The following LRRC40 variants were observed in gnomAD, a reference collection of about 807,000 sequenced individuals.
LRRC40 encodes the protein leucine rich repeat containing 40, also known as leucine-rich repeat-containing protein 40.
A neutral mutation model predicts 72.8 loss-of-function variants in LRRC40; 76 were observed. The observed-to-expected ratio is 1.04, with a 90% CI of 0.87 to 1.26. The LOEUF (loss-of-function observed/expected upper bound fraction) is 1.26. Among genes scored for constraint, LRRC40 ranks in the 50% most tolerant of loss-of-function variants. LRRC40 has a pLI of 0.00. For synonymous variants in LRRC40, 243 were observed against 254.2 expected, an observed-to-expected ratio of 0.96 and a Z score of 0.42; for missense variants, 684 against 698.9, an observed-to-expected ratio of 0.98 and a Z score of 0.24.
chr1:70,148,778 T>C (rs1667385724), intron 13 of LRRC40, 106 bp from the exon 14 acceptor site: 3 of 630,328 alleles, frequency 4.8e-6, no homozygotes, highest in Non-Finnish European at 7.5e-6. Context: ...CTTTAGTGTA[T>C]GTTATTCTGT....
intron 1 of LRRC40, among the ~76,000 whole-genome samples, chr1:70,191,219 A>G (rs1301509210): frequency 3.3e-5 from 5 of 152,170 alleles, no homozygotes; most frequent in Non-Finnish European, 7.4e-5. Flanking sequence ...AACACTAAGA[A>G]AGTATGTAGA....
intron 9 of LRRC40, among the ~76,000 whole-genome samples, chr1:70,161,935 C>G (rs962835075): frequency 6.6e-6 from 1 of 151,952 alleles, no homozygotes; most frequent in African/African-American, 2.4e-5. Context: ...ATGGTAAGTA[C>G]AGTAATATAT....
At chr1:70,160,500 T>C (rs1421662360) in intron 9 of LRRC40, among the ~76,000 whole-genome samples, 1 of 152,150 alleles carries the variant, frequency 6.6e-6, no homozygotes, top group Admixed American at 6.5e-5. Flanking sequence ...AAGTTAATGC[T>C]CTAGTAGTAG....
intron 10 of LRRC40, among the ~76,000 whole-genome samples, chr1:70,156,310 T>C (rs574520047): frequency 1.7e-4 from 26 of 152,218 alleles, no homozygotes; most frequent in African/African-American, 6.3e-4. Flanking sequence ...AATTTTAATT[T>C]AGTAACCTGG....
At chr1:70,155,910 T>C (rs781195734) in intron 10 of LRRC40, 114 bp from the exon 11 acceptor site, 2 of 456,328 alleles carry the variant, frequency 4.4e-6, no homozygotes, top group East Asian at 3.3e-5. Flanking sequence ...TTCAAAGCCA[T>C]TGATTATAAA....
Position 70,158,548 on chromosome 1 carries a change from T to A in LRRC40, c.1220+782A>T, listed in dbSNP as rs758248369. ...TTTACAACTACCTTCAATCTCTGCA[T>A]AGGTATCTTCTTTTCCCAATTTCAT... On this transcript the variant is annotated intron_variant, in intron 10 of 14. Transcript: ENST00000370952. 4.3e-4 allele frequency among the ~76,000 whole-genome samples: 65 copies of A among 152,216 alleles called. 1 individual carries two copies. The highest frequency in any genetic ancestry group is 3.5e-4 in the Non-Finnish European group (24 of 68,030).
intron 12 of LRRC40, 150 bp from the exon 13 acceptor site, chr1:70,151,355 C>G (rs1372578503): frequency 1.7e-6 from 1 of 596,148 alleles, no homozygotes; most frequent in Non-Finnish European, 3.0e-6. Flanking sequence ...TCTGAGAATT[C>G]TGAATCAGTC....
In LRRC40 at chr1:70,201,453, G is replaced by T. The variant is rs574072803; in HGVS notation, c.151+3937C>A. On this transcript the variant is annotated intron_variant, in intron 1 of 14. Transcript: ENST00000370952. ...AAGAATCGCAACCAAAAAGCCACCA[G>T]CCTATTTACATATGTCACTTACTCA... Among the ~76,000 whole-genome samples the T allele has an allele frequency of 3.9e-5, 6 of 152,192 alleles. No homozygotes were observed. The South Asian group carries it at 1.2e-3, about 32-fold the overall frequency.
chr1:70,162,978 T>C (rs1667796627), intron 9 of LRRC40, among the ~76,000 whole-genome samples: 1 of 152,186 alleles, frequency 6.6e-6, no homozygotes. Flanking sequence ...ACACAAACAT[T>C]ATCTTACAGT....
chr1:70,151,744 TTAGCTCTTAC>T, intron 12 of LRRC40: 1 of 152,198 alleles, frequency 6.6e-6, no homozygotes, highest in Non-Finnish European at 1.5e-5. Context: ...TTTTTTTTTT[TTAGCTCTTAC>T]AATGAAACAT....
At chr1:70,197,971 A>T (rs1668653924) in intron 1 of LRRC40, among the ~76,000 whole-genome samples, 1 of 152,110 alleles carries the variant, frequency 6.6e-6, no homozygotes, top group Non-Finnish European at 1.5e-5. Context: ...CTTGTTGCCC[A>T]GACTGGTCTT....
chr1:70,180,774 G>C (rs1668225996), intron 5 of LRRC40, among the ~76,000 whole-genome samples: 1 of 152,158 alleles, frequency 6.6e-6, no homozygotes, highest in South Asian at 2.1e-4. Context: ...TCACCAGTAA[G>C]AGGGGACTAA....
rs769994464 is a variant in LRRC40, at chr1:70,175,851, C to G, written c.936G>C (p.Arg312=). 1 of 1,584,280 alleles carries G rather than the reference C, an allele frequency of 6.3e-7. No homozygotes were observed. Among genetic ancestry groups the G allele is most frequent in the South Asian group, 1.2e-5 (1 of 85,392 alleles). ...KSVPDEIILL[R]SLERLDLSNN... ...TGCTTAGGTCAAGCCTTTCCAAGGA[C>G]CGTAGTAGTATAATTTCATCTGGAA... Residue 312 remains arginine, a synonymous_variant, in exon 7 of 15, where the codon CGG becomes CGC. Coordinates refer to ENST00000370952, the MANE Select transcript of LRRC40 (RefSeq NM_017768.5).
chr1:70,180,701 C>T (rs1313967529), intron 5 of LRRC40, among the ~76,000 whole-genome samples: 1 of 152,054 alleles, frequency 6.6e-6, no homozygotes, highest in Non-Finnish European at 1.5e-5. Flanking sequence ...TATTTCTCGA[C>T]ATTATTACTT....
Position 70,184,794 on chromosome 1 carries a change from TA to T in LRRC40, c.527del (p.Leu176Ter). On this transcript the variant is annotated frameshift_variant, in exon 4 of 15. Transcript: ENST00000370952. LOFTEE classifies it high-confidence loss of function. ...ISEGFEQLSN[L>X]EDLDLSNNHL... ...GAAAATCAGAACTTACTAAATCTTC[TA>T]AATTGGAAAGTTGTTCAAATCCCTC... is the stretch of plus-strand genomic sequence containing the variant. The T allele has an allele frequency of 6.2e-7, 1 of 1,601,686 alleles. No homozygotes were observed. The highest frequency in any genetic ancestry group is 8.5e-7 in the Non-Finnish European group (1 of 1,176,622).
chr1:70,192,362 G>C (rs1484236865), intron 1 of LRRC40, among the ~76,000 whole-genome samples: 2 of 151,930 alleles, frequency 1.3e-5, no homozygotes, highest in African/African-American at 4.8e-5. Flanking sequence ...AAACACTGTT[G>C]GTAGGAGTGT....
chr1:70,184,746 A>T (rs780886617), intron 4 of LRRC40, 39 bp downstream of exon 4: 2 of 1,552,286 alleles, frequency 1.3e-6, no homozygotes, highest in Non-Finnish European at 1.7e-6. Flanking sequence ...AAATCCCACC[A>T]GCCCCAAATT....
rs372566905 is a variant in LRRC40 at position 70,148,553 on chromosome 1, G to A, written c.1637C>T (p.Thr546Met). 16 of 1,613,432 alleles carry A rather than the reference G, an allele frequency of 9.9e-6. No individual in the cohort carries two copies. In the East Asian group the frequency reaches 1.1e-4, roughly 11 times the overall value. Residue 546 changes from threonine to methionine, a missense_variant, in exon 14 of 15, where the codon ACG becomes ATG. Coordinates refer to ENST00000370952, the MANE Select transcript of LRRC40 (RefSeq NM_017768.5). ...GAGGTCATTATTTTGAAGGTCCAAC[G>A]TGGTCAGATTTTCCATCATCTTCAT... ...QKMKMMENLT[T>M]LDLQNNDLLQ...
chr1:70,177,362 TATA>T, intron 6 of LRRC40, among the ~76,000 whole-genome samples: 1 of 152,318 alleles, frequency 6.6e-6, no homozygotes, highest in Admixed American at 6.5e-5. Context: ...ACTGTACTAC[TATA>T]ATAATTTTGT....
Sources: gnomAD v4.1 joint callset for allele counts (sites outside exome capture counted in the v4.1 genomes callset) on GRCh38, gnomAD v4.1.1 for gene constraint, MANE v1.5 for transcripts, NCBI Gene and HGNC (gene_info 2026-07-23, HGNC 2026-07-21) for gene names.